Variants in TMPRSS2 observed in about 807,000 individuals in gnomAD.
TMPRSS2 encodes transmembrane serine protease 2, also known as transmembrane protease serine 2.
A neutral mutation model predicts 67.4 loss-of-function variants in TMPRSS2; 59 were observed. The ratio of observed to expected loss-of-function variants is 0.88; its 90% CI spans 0.71 to 1.09. TMPRSS2 has a LOEUF of 1.09. Among genes scored for constraint, TMPRSS2 ranks in the 50% least tolerant of loss-of-function variants. The probability of loss-of-function intolerance (pLI) is 0.00; values close to 1 mark genes in which losing one functional copy is unlikely to be tolerated. For missense variants in TMPRSS2, 668 were observed against 642.7 expected (o/e 1.04, Z -0.43); for synonymous variants, 257 against 257.0 (o/e 1.00, Z 0.00).
intron 7 of TMPRSS2, among the ~76,000 whole-genome samples, chr21:41,477,697 T>G (rs2091225292): frequency 2.6e-5 from 4 of 151,984 alleles, no homozygotes; most frequent in African/African-American, 9.7e-5. Context: ...CACGGCCAAG[T>G]GAAGACATGT....
chr21:41,498,129 G>A lies in TMPRSS2; in HGVS notation c.5C>T (p.Ala2Val). 6.2e-7 allele frequency: 1 copy of A among 1,611,366 alleles called. No homozygotes were observed. Among genetic ancestry groups the A allele is most frequent in the Non-Finnish European group, 8.5e-7 (1 of 1,177,846 alleles). ...TAATTAACCACTTACTGAGTTCAAAGCCATCTTGCTGTTATCAACAGCATC... is the reference window on the plus strand; with the variant it reads ...TAATTAACCACTTACTGAGTTCAAAACCATCTTGCTGTTATCAACAGCATC... M[A>V]LNSGSPPAIG... The change falls in exon 2 of 14, where the codon GCT (alanine) becomes GTT (valine). Residue 2 changes from alanine to valine, a missense_variant. Transcript: ENST00000332149.
chr21:41,494,837 G>A (rs1239441369), intron 2 of TMPRSS2: 22 of 456,704 alleles, frequency 4.8e-5, no homozygotes, highest in Middle Eastern at 6.6e-4. Context: ...TTGGGAGGCC[G>A]AGGCGGGCGG....
chr21:41,487,151 T>G (rs1355501959), intron 5 of TMPRSS2: 2 of 152,244 alleles, frequency 1.3e-5, no homozygotes, highest in East Asian at 3.8e-4. Context: ...AGTCCATCAG[T>G]GAATGAAGGG....
chr21:41,483,845 G>A (rs915934635), intron 5 of TMPRSS2, among the ~76,000 whole-genome samples: 1 of 148,028 alleles, frequency 6.8e-6, no homozygotes, highest in Non-Finnish European at 1.5e-5. Flanking sequence ...AATTTTACAT[G>A]TAGGCCTGGT....
At chr21:41,483,203 C>T (rs1220132016) in intron 5 of TMPRSS2, among the ~76,000 whole-genome samples, 1 of 152,164 alleles carries the variant, frequency 6.6e-6, no homozygotes, top group Non-Finnish European at 1.5e-5. Context: ...AAGGAGCTCG[C>T]TGCCCTGTCT....
At chr21:41,473,765 A>C (rs559830930) in intron 8 of TMPRSS2, among the ~76,000 whole-genome samples, 1 of 150,930 alleles carries the variant, frequency 6.6e-6, no homozygotes, top group Non-Finnish European at 1.5e-5. Context: ...GTTCTGGATA[A>C]CAAGGCCCTG....
At chr21:41,491,081 T>G (rs187208295) in intron 3 of TMPRSS2, among the ~76,000 whole-genome samples, 2 of 151,798 alleles carry the variant, frequency 1.3e-5, no homozygotes, top group African/African-American at 4.8e-5. Context: ...AAGAATTACC[T>G]GGGGAATGTG....
At chr21:41,501,316 T>C (rs530009764) in intron 1 of TMPRSS2, among the ~76,000 whole-genome samples, 14 of 152,306 alleles carry the variant, frequency 9.2e-5, no homozygotes, top group Non-Finnish European at 1.6e-4. Context: ...GCCAGTAACA[T>C]TCTCCAGCTG....
chr21:41,488,660 T>C, intron 4 of TMPRSS2, 147 bp from the exon 5 acceptor site: 2 of 975,098 alleles, frequency 2.1e-6, no homozygotes, highest in Non-Finnish European at 1.5e-6. Context: ...GTTTTTGAGA[T>C]GAAGTCTCAT....
rs527435310 is a variant in TMPRSS2, at chr21:41,488,416, G to C, written c.423C>G (p.Gly141=). The C allele has an allele frequency of 1.2e-6, 2 of 1,613,126 alleles. No homozygotes were observed. Among genetic ancestry groups the C allele is most frequent in the East Asian group, 2.2e-5 (1 of 44,882 alleles). Residue 141 remains glycine (G), a synonymous_variant, in exon 5 of 14, where the codon GGC becomes GGG. Transcript: ENST00000332149. ...NWCDGVSHCP[G]GEDENRCVRL... is the part of the protein sequence containing the mutation. ...CACCACACCGATTCTCGTCCTCCCC[G>C]CCGGGGCAGTGTGACACGCCATCAC...
intron 2 of TMPRSS2, 46 bp from the exon 3 acceptor site, chr21:41,494,624 A>G (rs753209291): frequency 6.5e-7 from 1 of 1,546,504 alleles, no homozygotes; most frequent in Non-Finnish European, 8.9e-7. Flanking sequence ...TCTTATTTGC[A>G]CTAAAGGGTT....
At chr21:41,479,623 G>A (rs1234175114) in intron 6 of TMPRSS2, among the ~76,000 whole-genome samples, 2 of 72,472 alleles carry the variant, frequency 2.8e-5, no homozygotes, top group Non-Finnish European at 5.6e-5. Flanking sequence ...ATTCCACCAG[G>A]TTCCTGGACT....
chr21:41,470,710 C>T lies in TMPRSS2; in HGVS notation c.1109G>A (p.Gly370Asp). The T allele has an allele frequency of 6.2e-7, 1 of 1,613,634 alleles. No homozygotes were observed. Among genetic ancestry groups the T allele is most frequent in the Non-Finnish European group, 8.5e-7 (1 of 1,179,988 alleles). Residue 370 changes from glycine to aspartate, a missense_variant, in exon 11 of 14, where the codon GGC (glycine) becomes GAC (aspartate). Gly to Asp is a moderately conservative substitution (Grantham distance 94). Transcript: ENST00000332149. ...LVKPVCLPNP[G>D]MMLQPEQLCW... The stretch of plus-strand genomic sequence containing the variant: ...GAGCTGTTCTGGCTGCAGCATCATG[C>T]CTGGGTTGGGCAGACACACTGGTTT...
rs766503110 is a variant in TMPRSS2, at chr21:41,498,090, G to A, written c.15+29C>T. On this transcript the variant is annotated intron_variant, in intron 2 of 13. Coordinates refer to ENST00000332149, the MANE Select transcript of TMPRSS2 (RefSeq NM_005656.4). ...AGAAGGGACAAGGGAACAAAGAAAA[G>A]GCCAGGAAGGTAATAATTAACCACT... 4 of 1,534,982 alleles carry A rather than the reference G, an allele frequency of 2.6e-6. No homozygotes were observed. The South Asian group carries it at 4.6e-5, about 18-fold the overall frequency.
intron 1 of TMPRSS2, 191 bp downstream of exon 1, chr21:41,507,890 A>G: frequency 6.7e-7 from 1 of 1,482,374 alleles, no homozygotes; most frequent in Non-Finnish European, 8.9e-7. Context: ...GCACTCTCCC[A>G]GCACCCCGGG....
At chr21:41,472,275 A>G (rs76135088) in intron 9 of TMPRSS2, among the ~76,000 whole-genome samples, 2,785 of 152,192 alleles carry the variant, frequency 0.018, 86 homozygotes, top group African/African-American at 0.06. Context: ...TTTCAAGGCC[A>G]TTTCTAGCAG....
intron 2 of TMPRSS2, among the ~76,000 whole-genome samples, chr21:41,496,647 G>A (rs930228271): frequency 6.6e-6 from 1 of 151,792 alleles, no homozygotes; most frequent in Non-Finnish European, 1.5e-5. Flanking sequence ...ACCCTGTCAA[G>A]ACTCGCCCCA....
intron 1 of TMPRSS2, among the ~76,000 whole-genome samples, chr21:41,500,105 G>C (rs888674193): frequency 3.3e-5 from 5 of 152,174 alleles, no homozygotes; most frequent in African/African-American, 4.8e-5. Context: ...CCTGACCTCT[G>C]AGACTAGACT....
At chr21:41,469,972 C>A (rs1158448763) in intron 11 of TMPRSS2, among the ~76,000 whole-genome samples, 2 of 152,212 alleles carry the variant, frequency 1.3e-5, no homozygotes, top group Non-Finnish European at 2.9e-5. Flanking sequence ...GGATGCCCCC[C>A]ACTACCTTCC....
Sources: gnomAD v4.1 joint callset for allele counts (sites outside exome capture counted in the v4.1 genomes callset) on GRCh38, gnomAD v4.1.1 for gene constraint, MANE v1.5 for transcripts, NCBI Gene and HGNC (gene_info 2026-07-23, HGNC 2026-07-21) for gene names.